Variants in CENPP observed in about 807,000 individuals in gnomAD.
CENPP encodes the protein centromere protein P.
Under a neutral mutation model 35.6 loss-of-function variants are expected in CENPP, and 24 were observed. That is an observed-to-expected ratio of 0.67 (90% CI 0.49 to 0.95). The LOEUF is 0.95. CENPP is among the 40% of genes least tolerant of loss of function. The pLI is 0.00. For synonymous variants in CENPP, 120 were observed against 125.5 expected (o/e 0.96, Z 0.29); for missense variants, 332 against 345.3 (o/e 0.96, Z 0.31).
intron 5 of CENPP, among the ~76,000 whole-genome samples, chr9:92,558,405 T>A (rs1334413693): frequency 6.6e-6 from 1 of 152,172 alleles, no homozygotes; most frequent in Admixed American, 6.5e-5. Context: ...GTGATTATTG[T>A]CTTTCTTCTG....
chr9:92,355,982 AATTG>A, intron 4 of CENPP, among the ~76,000 whole-genome samples: 1 of 152,352 alleles, frequency 6.6e-6, no homozygotes, highest in Admixed American at 6.5e-5. Context: ...GAAATATTAA[AATTG>A]ATAGAGTTTC....
At chr9:92,395,312 G>T (rs1446355965) in intron 5 of CENPP, among the ~76,000 whole-genome samples, 1 of 152,006 alleles carries the variant, frequency 6.6e-6, no homozygotes, top group African/African-American at 2.4e-5. Context: ...TCCTTTTCTG[G>T]CTTCTTTTAC....
At chr9:92,468,166 G>A (rs1845382049) in intron 5 of CENPP, among the ~76,000 whole-genome samples, 1 of 152,174 alleles carries the variant, frequency 6.6e-6, no homozygotes, top group Non-Finnish European at 1.5e-5. Flanking sequence ...TAGTGCACTG[G>A]GCTTTTATTA....
At chr9:92,532,726 T>C (rs1363465361) in intron 5 of CENPP, among the ~76,000 whole-genome samples, 3 of 152,190 alleles carry the variant, frequency 2.0e-5, no homozygotes, top group African/African-American at 7.2e-5. Flanking sequence ...TTTAATCTCA[T>C]CTTTTATTTT....
intron 4 of CENPP, among the ~76,000 whole-genome samples, chr9:92,346,301 G>A (rs1354292501): frequency 6.6e-6 from 1 of 152,048 alleles, no homozygotes; most frequent in African/African-American, 2.4e-5. Context: ...TGTTTATCAG[G>A]AATTTGACTA....
intron 5 of CENPP, among the ~76,000 whole-genome samples, chr9:92,595,635 G>A (rs551675438): frequency 9.3e-5 from 14 of 150,994 alleles, no homozygotes; most frequent in East Asian, 2.0e-4. Flanking sequence ...GCACCATCTC[G>A]GCTCACTGCA....
intron 5 of CENPP, chr9:92,416,874 G>C (rs1460539317): frequency 6.2e-6 from 10 of 1,613,804 alleles, no homozygotes; most frequent in Non-Finnish European, 8.5e-6. Flanking sequence ...GGCAAACCAG[G>C]AGGCATTGAT....
At chr9:92,416,415 T>C (rs1843614576) in intron 5 of CENPP, among the ~76,000 whole-genome samples, 1 of 152,102 alleles carries the variant, frequency 6.6e-6, no homozygotes, top group Non-Finnish European at 1.5e-5. Flanking sequence ...TATTTCTCAA[T>C]ATTTAAGGCA....
intron 2 of CENPP, among the ~76,000 whole-genome samples, chr9:92,334,952 C>G (rs1341022034): frequency 1.3e-5 from 2 of 151,758 alleles, no homozygotes; most frequent in African/African-American, 2.4e-5. Flanking sequence ...TTTGGGAAGC[C>G]GAGGCGGGCG....
At position 92,514,988 on chromosome 9, in the gene CENPP, A is replaced by G. The variant is rs576605538; in HGVS notation, c.565-96326A>G. ...CTGTAAAGTTGCCCCTGATTTCTAG[A>G]TTCAGGGGTCTCTCTCTTTTGCTCT... On this transcript the variant is annotated intron_variant, in intron 5 of 7. Transcript: ENST00000375587. The G allele has an allele frequency of 4.3e-6, 7 of 1,613,760 alleles. No individual in the cohort carries two copies. In the Admixed American group the frequency reaches 8.3e-5, roughly 19 times the overall value.
At chr9:92,394,854 G>T (rs1004427454) in intron 5 of CENPP, among the ~76,000 whole-genome samples, 1 of 151,986 alleles carries the variant, frequency 6.6e-6, no homozygotes, top group Non-Finnish European at 1.5e-5. Context: ...TGATCTGCCC[G>T]CCTCAGCCTC....
chr9:92,575,775 G>A (rs1300900446), intron 5 of CENPP, among the ~76,000 whole-genome samples: 1 of 151,674 alleles, frequency 6.6e-6, no homozygotes, highest in Non-Finnish European at 1.5e-5. Flanking sequence ...TTGCACCACT[G>A]CTCTCCAGCC....
chr9:92,470,444 C>T (rs1230401693), intron 5 of CENPP, among the ~76,000 whole-genome samples: 2 of 152,162 alleles, frequency 1.3e-5, no homozygotes, highest in Non-Finnish European at 1.5e-5. Context: ...ACTCAGCCCA[C>T]TACATTTTAC....
At chr9:92,525,410 C>G (rs1238304627) in intron 5 of CENPP, among the ~76,000 whole-genome samples, 4 of 152,140 alleles carry the variant, frequency 2.6e-5, no homozygotes, top group Non-Finnish European at 5.9e-5. Context: ...AAAGTACAGT[C>G]ATGTACCACA....
intron 5 of CENPP, among the ~76,000 whole-genome samples, chr9:92,416,196 T>C (rs1843607886): frequency 6.6e-6 from 1 of 151,018 alleles, no homozygotes; most frequent in Admixed American, 6.6e-5. Context: ...GATTCCTGGG[T>C]TCAAGCAACT....
chr9:92,556,223 C>T (rs1849721199), intron 5 of CENPP, among the ~76,000 whole-genome samples: 1 of 152,092 alleles, frequency 6.6e-6, no homozygotes, highest in South Asian at 2.1e-4. Context: ...AATTGATTTC[C>T]AGTTTTATTC....
At chr9:92,555,284 A>G (rs890904140) in intron 5 of CENPP, among the ~76,000 whole-genome samples, 1 of 130,580 alleles carries the variant, frequency 7.7e-6, no homozygotes, top group Non-Finnish European at 1.5e-5. Flanking sequence ...CTGGAGTACA[A>G]TGGCGTGATC....
chr9:92,493,136 G>A (rs1257005456), intron 5 of CENPP, among the ~76,000 whole-genome samples: 7 of 152,218 alleles, frequency 4.6e-5, no homozygotes, highest in African/African-American at 1.7e-4. Context: ...GTGTCATTTA[G>A]ATAGTACCTA....
At chr9:92,436,191 G>A (rs542067220) in intron 5 of CENPP, among the ~76,000 whole-genome samples, 2 of 152,206 alleles carry the variant, frequency 1.3e-5, no homozygotes, top group East Asian at 3.9e-4. Context: ...GTGCTTATTT[G>A]CTATCTGTGT....
Sources: allele counts gnomAD v4.1 joint callset (sites outside exome capture counted in the v4.1 genomes callset), GRCh38; gene constraint gnomAD v4.1.1; transcripts MANE v1.5; gene names NCBI Gene and HGNC (gene_info 2026-07-23, HGNC 2026-07-21).